CRYBG1: variants seen among roughly 807,000 people sequenced by gnomAD.
CRYBG1 encodes the protein crystallin beta-gamma domain containing 1.
A neutral mutation model predicts 189.2 loss-of-function variants in CRYBG1; 139 were observed. That is an observed-to-expected ratio of 0.73 (90% confidence interval 0.64 to 0.85). CRYBG1 has a LOEUF of 0.85. CRYBG1 is among the 40% of genes least tolerant of loss of function. The probability of loss-of-function intolerance (pLI) is 0.00; values close to 1 mark genes in which losing one functional copy is unlikely to be tolerated. For synonymous variants in CRYBG1, 1,023 were observed against 1,017.1 expected (o/e 1.01, Z -0.11); for missense variants, 2,611 against 2,675.8 (o/e 0.98, Z 0.53).
chr6:106,432,030 A>G (rs1263798238), intron 1 of CRYBG1, among the ~76,000 whole-genome samples: 1 of 152,220 alleles, frequency 6.6e-6, no homozygotes, highest in African/African-American at 2.4e-5. Context: ...CAATGATCTA[A>G]AAACTGATTA....
In CRYBG1 at chr6:106,390,218, A is replaced by G. The variant is rs116205136; in HGVS notation, c.173+29137A>G. On this transcript the variant is annotated intron_variant, in intron 1 of 21. Transcript: ENST00000633556. The stretch of plus-strand genomic sequence containing the variant: ...AAACTATGTTCTGATCAGAAATACC[A>G]AAGAACAAATATCGTATTGTTTGGA... 1.0e-2 allele frequency among the ~76,000 whole-genome samples: 1,517 copies of G among 152,266 alleles called. 17 individuals are homozygous for G. The highest frequency in any genetic ancestry group is 0.033 in the African/African-American group (1,392 of 41,562).
At chr6:106,377,107 T>C (rs911538806) in intron 1 of CRYBG1, among the ~76,000 whole-genome samples, 4 of 152,202 alleles carry the variant, frequency 2.6e-5, no homozygotes, top group Admixed American at 2.0e-4. Flanking sequence ...TGGATAGTAT[T>C]AGTTCAATTG....
chr6:106,568,367 T>G lies in CRYBG1; in HGVS notation c.6302-105T>G, dbSNP rs1249936333. 3.3e-6 allele frequency: 3 copies of G among 911,828 alleles called. No homozygotes were observed. The African/African-American group carries it at 5.0e-5, about 15-fold the overall frequency. The allele number at this position is 911,828 out of a possible 1,614,324, so 56.5% of individuals were successfully genotyped here. A position where few individuals can be genotyped will look rare whatever the true frequency, so the allele number is the denominator to read the frequency against. ...TCCTTGAGGCATGCAGTTCTACACC[T>G]TGTTTACTTGCTTACTTTTGCTGTA... On this transcript the variant is annotated intron_variant, in intron 21 of 21. Transcript: ENST00000633556.
At chr6:106,429,884 T>C (rs1009628509) in intron 1 of CRYBG1, among the ~76,000 whole-genome samples, 2 of 152,240 alleles carry the variant, frequency 1.3e-5, no homozygotes, top group African/African-American at 4.8e-5. Context: ...ACTATTAAAC[T>C]AAAATTGTCA....
chr6:106,524,025 C>T (rs982286911), intron 4 of CRYBG1, among the ~76,000 whole-genome samples: 4 of 152,126 alleles, frequency 2.6e-5, no homozygotes, highest in Non-Finnish European at 5.9e-5. Context: ...AGGCACTGCG[C>T]CCCAGCCTTT....
At chr6:106,396,735 G>T (rs1770622154) in intron 1 of CRYBG1, among the ~76,000 whole-genome samples, 1 of 152,222 alleles carries the variant, frequency 6.6e-6, no homozygotes, top group African/African-American at 2.4e-5. Context: ...AGGCTGGGGT[G>T]CAGTGGCATG....
chr6:106,476,761 A>AAGACC lies in CRYBG1; in HGVS notation c.312+24932_312+24936dup, dbSNP rs551531051. Among the ~76,000 whole-genome samples, 35 of 152,322 alleles carry AAGACC rather than the reference A, an allele frequency of 2.3e-4. No individual in the cohort carries two copies. The East Asian group carries it at 6.6e-3, about 29-fold the overall frequency. ...GAACTGCCCATGAGGGACATGAAGTAAGACCAGTTCCCAGTGTAGAACCAC... is the reference window on the plus strand; with the variant it reads ...GAACTGCCCATGAGGGACATGAAGTAAGACCAGACCAGTTCCCAGTGTAGAACCAC... On this transcript the variant is annotated intron_variant, in intron 2 of 21. Transcript: ENST00000633556.
At position 106,519,940 on chromosome 6, in the gene CRYBG1, G is replaced by A; in HGVS notation, c.2732G>A (p.Cys911Tyr). 1 of 1,614,178 alleles carries A rather than the reference G, an allele frequency of 6.2e-7. No individual in the cohort carries two copies. The highest frequency in any genetic ancestry group is 8.5e-7 in the Non-Finnish European group (1 of 1,180,028). ...DLKVSENHKG[C>Y]VLPVSRQNNE... ...AAAGTGTCAGAAAACCATAAAGGAT[G>A]TGTTTTGCCTGTGTCTCGTCAGAAC... The change falls in exon 4 of 22, where the codon TGT becomes TAT. Residue 911 changes from cysteine (C) to tyrosine (Y), a missense_variant. By Grantham distance (194) the Cys-to-Tyr change is radical. Coordinates refer to ENST00000633556, the MANE Select transcript of CRYBG1 (RefSeq NM_001371242.2).
intron 2 of CRYBG1, among the ~76,000 whole-genome samples, chr6:106,454,535 C>G (rs1771846932): frequency 6.6e-6 from 1 of 152,250 alleles, no homozygotes; most frequent in Non-Finnish European, 1.5e-5. Context: ...TGAGCCTGAG[C>G]ATTTCCTGCA....
intron 16 of CRYBG1, among the ~76,000 whole-genome samples, chr6:106,555,350 G>A (rs2114590107): frequency 6.6e-6 from 1 of 152,076 alleles, no homozygotes; most frequent in Middle Eastern, 3.4e-3. Flanking sequence ...GGATAGAGGA[G>A]TGTGCGAGAA....
chr6:106,387,575 A>C (rs1355633272), intron 1 of CRYBG1, among the ~76,000 whole-genome samples: 2 of 152,146 alleles, frequency 1.3e-5, no homozygotes, highest in African/African-American at 4.8e-5. Context: ...AGGGTTTTAG[A>C]TACTCGACAG....
chr6:106,438,572 C>T lies in CRYBG1; in HGVS notation c.174-13122C>T, dbSNP rs139921818. 4.5e-3 allele frequency among the ~76,000 whole-genome samples: 688 copies of T among 152,258 alleles called. 3 individuals are homozygous for T. Among genetic ancestry groups the T allele is most frequent in the Non-Finnish European group, 7.4e-3 (505 of 68,018 alleles). On this transcript the variant is annotated intron_variant, in intron 1 of 21. Coordinates refer to ENST00000633556, the MANE Select transcript of CRYBG1 (RefSeq NM_001371242.2). ...CAGTCTCCTCCTGCATTGTCACAGG[C>T]GTGTGGCTCTGTCTATAAGCAAATA... is the stretch of plus-strand genomic sequence containing the variant.
intron 2 of CRYBG1, among the ~76,000 whole-genome samples, chr6:106,473,548 A>T (rs1261790519): frequency 6.6e-6 from 1 of 152,228 alleles, no homozygotes; most frequent in Non-Finnish European, 1.5e-5. Flanking sequence ...CGATGGACAC[A>T]ACACAGTGAA....
intron 2 of CRYBG1, among the ~76,000 whole-genome samples, chr6:106,483,401 T>TGTATATATATATATATATATATATATATA (rs1772514779): frequency 1.0e-5 from 1 of 95,598 alleles, no homozygotes; most frequent in African/African-American, 3.0e-5. Context: ...GATATATATA[T>TGTATATATATATATATATATATATATATA]AAAACATTTT....
chr6:106,361,977 T>TTCTTTCTTTCTTTCTTTCTTTC (rs1562285549), intron 1 of CRYBG1, among the ~76,000 whole-genome samples: 1 of 20,920 alleles, frequency 4.8e-5, no homozygotes, highest in African/African-American at 2.6e-4. Flanking sequence ...TTCTTTTTTT[T>TTCTTTCTTTCTTTCTTTCTTTC]TTTTTTTTTC....
chr6:106,375,861 T>C (rs926868659), intron 1 of CRYBG1, among the ~76,000 whole-genome samples: 2 of 152,350 alleles, frequency 1.3e-5, no homozygotes, highest in East Asian at 3.9e-4. Flanking sequence ...ACCCTCTATA[T>C]ACTATGTTTT....
rs572640092 is a variant in CRYBG1, at chr6:106,449,170, A to G, written c.174-2524A>G. Among the ~76,000 whole-genome samples the G allele has an allele frequency of 2.6e-5, 4 of 152,330 alleles. No individual in the cohort carries two copies. The East Asian group carries it at 7.7e-4, about 29-fold the overall frequency. On this transcript the variant is annotated intron_variant, in intron 1 of 21. Transcript: ENST00000633556. The stretch of plus-strand genomic sequence containing the variant: ...ACTTGCCAGCTTTTAATTATGTAAT[A>G]CGTAAGTATCTAGGAAGAAGAGATA...
chr6:106,449,349 T>C (rs1771733654), intron 1 of CRYBG1: 1 of 152,292 alleles, frequency 6.6e-6, no homozygotes, highest in Non-Finnish European at 1.5e-5. Flanking sequence ...CTAACATTTG[T>C]GGTTGACTTT....
At chr6:106,472,087 A>C (rs149727798) in intron 2 of CRYBG1, among the ~76,000 whole-genome samples, 1 of 152,254 alleles carries the variant, frequency 6.6e-6, no homozygotes, top group Non-Finnish European at 1.5e-5. Flanking sequence ...ATATCACAGT[A>C]TCCTATTAAA....
Sources: allele counts gnomAD v4.1 joint callset (sites outside exome capture counted in the v4.1 genomes callset), GRCh38; gene constraint gnomAD v4.1.1; transcripts MANE v1.5; gene names NCBI Gene and HGNC (gene_info 2026-07-23, HGNC 2026-07-21).